The following OSTF1 variants were observed in gnomAD, a reference collection of about 807,000 sequenced individuals.
OSTF1 encodes osteoclast-stimulating factor 1.
A neutral mutation model predicts 37.2 loss-of-function variants in OSTF1; 27 were observed. That is an observed-to-expected ratio of 0.73 (90% CI 0.54 to 1.00). OSTF1 has a LOEUF of 1.00. Among genes scored for constraint, OSTF1 ranks in the 50% least tolerant of loss-of-function variants. The pLI is 0.00. For synonymous variants in OSTF1, 82 were observed against 89.2 expected (o/e 0.92, Z 0.46); for missense variants, 232 against 253.8 (o/e 0.91, Z 0.58).
At chr9:75,109,719 A>G (rs1348389405) in intron 1 of OSTF1, among the ~76,000 whole-genome samples, 1 of 152,158 alleles carries the variant, frequency 6.6e-6, no homozygotes, top group Non-Finnish European at 1.5e-5. Flanking sequence ...ATTTCTAGTT[A>G]TGTTCCACTC....
chr9:75,117,820 C>T (rs566895806), intron 2 of OSTF1, among the ~76,000 whole-genome samples: 7 of 152,342 alleles, frequency 4.6e-5, no homozygotes, highest in African/African-American at 1.4e-4. Flanking sequence ...ATATAAAGCA[C>T]AGCGACCCTG....
At chr9:75,132,962 TACACACACATACACACACACACACAC>T (rs1825784310) in intron 5 of OSTF1, among the ~76,000 whole-genome samples, 1 of 97,702 alleles carries the variant, frequency 1.0e-5, no homozygotes, top group Non-Finnish European at 2.0e-5. Flanking sequence ...TATATACACA[TACACACACATACACACACACACACAC>T]ACACACACAC....
rs563559155 is a variant in OSTF1 at position 75,122,964 on chromosome 9, A to AT, written c.82-4605_82-4604insT. Among the ~76,000 whole-genome samples the AT allele has an allele frequency of 2.2e-4, 33 of 152,362 alleles. No individual in the cohort carries two copies. In the East Asian group the frequency reaches 6.4e-3, roughly 29 times the overall value. On this transcript the variant is annotated intron_variant, in intron 2 of 9. Coordinates refer to ENST00000346234, the MANE Select transcript of OSTF1 (RefSeq NM_012383.5). ...TCATAAAATATATTTGCATAAACCAACAAAATTAATGCCTTGGGAATTATA... is the reference window on the plus strand; with the variant it reads ...TCATAAAATATATTTGCATAAACCAATCAAAATTAATGCCTTGGGAATTATA...
At chr9:75,090,395 T>C (rs1411304841) in intron 1 of OSTF1, among the ~76,000 whole-genome samples, 12 of 152,032 alleles carry the variant, frequency 7.9e-5, no homozygotes, top group Non-Finnish European at 2.9e-5. Flanking sequence ...CTGTTACTAA[T>C]TGTGGATACA....
rs59382113 is a variant in OSTF1 at position 75,128,558 on chromosome 9, TATATATATATATATATTTTGTCC to T, written c.132+956_132+978del. ...TATATATATATATTTTGTCCATATATATATATATATATATATTTTGTCCATATATATATATATATATATATATA... is the reference window on the plus strand; with the variant it reads ...TATATATATATATTTTGTCCATATATATATATATATATATATATATATATA... On this transcript the variant is annotated intron_variant, in intron 3 of 9. Coordinates refer to ENST00000346234, the MANE Select transcript of OSTF1 (RefSeq NM_012383.5). 6.0e-4 allele frequency among the ~76,000 whole-genome samples: 18 copies of T among 30,040 alleles called. 8 individuals are homozygous for T. The highest frequency in any genetic ancestry group is 1.3e-3 in the African/African-American group (8 of 6,142). 19.7% of individuals were successfully genotyped at this position (30,040 alleles called of 152,430 possible). A position where few individuals can be genotyped will look rare whatever the true frequency, so the allele number is the denominator to read the frequency against.
At chr9:75,133,887 T>G (rs1428596802) in intron 6 of OSTF1, among the ~76,000 whole-genome samples, 1 of 152,200 alleles carries the variant, frequency 6.6e-6, no homozygotes, top group Non-Finnish European at 1.5e-5. Flanking sequence ...AATTTTTAGA[T>G]GTATTTCTTC....
intron 1 of OSTF1, among the ~76,000 whole-genome samples, chr9:75,106,981 A>AAGAAAG (rs1341440322): frequency 6.8e-5 from 10 of 148,070 alleles, no homozygotes; most frequent in South Asian, 6.3e-4. Flanking sequence ...GAAAAAGAAA[A>AAGAAAG]AAAAAGAAAA....
intron 1 of OSTF1, among the ~76,000 whole-genome samples, chr9:75,108,630 G>A (rs146388934): frequency 9.9e-5 from 15 of 152,198 alleles, no homozygotes; most frequent in African/African-American, 3.4e-4. Context: ...TAATTCTGGG[G>A]AATCCATTGT....
chr9:75,141,580 C>T (rs1371482252), intron 9 of OSTF1, among the ~76,000 whole-genome samples: 1 of 151,988 alleles, frequency 6.6e-6, no homozygotes, highest in East Asian at 1.9e-4. Flanking sequence ...GAGTGATTAC[C>T]ACTAAATATT....
At position 75,117,356 on chromosome 9, in the gene OSTF1, C is replaced by T. The variant is rs142992031; in HGVS notation, c.35-148C>T. 2.3e-4 allele frequency: 133 copies of T among 589,284 alleles called. No individual in the cohort carries two copies. In the African/African-American group the frequency reaches 2.3e-3, roughly 10 times the overall value. 36.5% of individuals were successfully genotyped at this position (589,284 alleles called of 1,614,324 possible). ...AAATCTCTCCCTGTCCTTCCTTTCT[C>T]TCTACCCTTTCCAGCCTCTAGTATC... On this transcript the variant is annotated intron_variant, in intron 1 of 9. Coordinates refer to ENST00000346234, the MANE Select transcript of OSTF1 (RefSeq NM_012383.5).
At chr9:75,101,348 T>C (rs1825190385) in intron 1 of OSTF1, among the ~76,000 whole-genome samples, 1 of 152,226 alleles carries the variant, frequency 6.6e-6, no homozygotes, top group East Asian at 1.9e-4. Context: ...GTAGCACTGC[T>C]GTGACTTGAG....
intron 7 of OSTF1, among the ~76,000 whole-genome samples, chr9:75,137,031 G>T (rs1457074667): frequency 6.6e-6 from 1 of 152,106 alleles, no homozygotes; most frequent in Non-Finnish European, 1.5e-5. Context: ...CTTGTACCTA[G>T]TGTTCATGAA....
intron 1 of OSTF1, among the ~76,000 whole-genome samples, chr9:75,113,443 T>G (rs538975456): frequency 0.011 from 1,702 of 152,210 alleles, 37 homozygotes; most frequent in African/African-American, 0.039. Flanking sequence ...TATTCTTTTT[T>G]TTTTTTCTGT....
chr9:75,128,400 A>T, intron 3 of OSTF1, among the ~76,000 whole-genome samples: 1 of 89,350 alleles, frequency 1.1e-5, no homozygotes, highest in African/African-American at 4.4e-5. Context: ...ATATATATAT[A>T]TATATATTTT....
chr9:75,108,274 G>T (rs566229773), intron 1 of OSTF1, among the ~76,000 whole-genome samples: 6 of 151,446 alleles, frequency 4.0e-5, no homozygotes, highest in Non-Finnish European at 8.8e-5. Flanking sequence ...AAAAGAAAAA[G>T]AAAAAATTTG....
intron 3 of OSTF1, among the ~76,000 whole-genome samples, chr9:75,127,864 A>G (rs917875161): frequency 6.6e-6 from 1 of 152,040 alleles, no homozygotes; most frequent in Non-Finnish European, 1.5e-5. Context: ...AATGGGGAAT[A>G]TCTCTATATG....
At chr9:75,133,566 G>A (rs1387460521) in intron 6 of OSTF1, among the ~76,000 whole-genome samples, 165 bp downstream of exon 6, 1 of 152,168 alleles carries the variant, frequency 6.6e-6, no homozygotes, top group Non-Finnish European at 1.5e-5. Context: ...TAGAACAGTG[G>A]GTAGAATGTG....
chr9:75,128,949 A>G (rs7859225), intron 3 of OSTF1, among the ~76,000 whole-genome samples: 3,939 of 152,134 alleles, frequency 0.026, 173 homozygotes, highest in African/African-American at 0.09. Context: ...CCCAATAATA[A>G]TATGTTATTT....
At chr9:75,143,253 C>A (rs1825971311) in intron 9 of OSTF1, among the ~76,000 whole-genome samples, 1 of 152,082 alleles carries the variant, frequency 6.6e-6, no homozygotes, top group African/African-American at 2.4e-5. Flanking sequence ...TTAATAAGTA[C>A]AAAAATTCAC....
Sources: allele counts gnomAD v4.1 joint callset (sites outside exome capture counted in the v4.1 genomes callset), GRCh38; gene constraint gnomAD v4.1.1; transcripts MANE v1.5; gene names NCBI Gene and HGNC (gene_info 2026-07-23, HGNC 2026-07-21).